Variants in PCDHGA8 observed in about 807,000 individuals in gnomAD.
The protein encoded by PCDHGA8 is protocadherin gamma subfamily A, 8.
Under a neutral mutation model 59.2 loss-of-function variants are expected in PCDHGA8, and 45 were observed. The ratio of observed to expected loss-of-function variants is 0.76; its 90% confidence interval spans 0.60 to 0.98. The LOEUF (loss-of-function observed/expected upper bound fraction) is 0.98, where lower values mean the gene tolerates loss of function less well. PCDHGA8 is among the 50% of genes least tolerant of loss of function. The probability of loss-of-function intolerance (pLI) is 0.00; values close to 1 mark genes in which losing one functional copy is unlikely to be tolerated. For missense variants in PCDHGA8, 1,257 were observed against 1,196.2 expected, an observed-to-expected ratio of 1.05 and a Z score of -0.75; for synonymous variants, 531 against 519.0, an observed-to-expected ratio of 1.02 and a Z score of -0.32.
chr5:141,402,451 G>A (rs2094267451), intron 1 of PCDHGA8, among the ~76,000 whole-genome samples: 1 of 152,016 alleles, frequency 6.6e-6, no homozygotes. Context: ...AATTATAATA[G>A]TTTACATATC....
intron 1 of PCDHGA8, chr5:141,418,639 C>T (rs2096276711): frequency 6.2e-7 from 1 of 1,614,014 alleles, no homozygotes; most frequent in Non-Finnish European, 8.5e-7. Flanking sequence ...CAGGCACCTC[C>T]ATCCTGAGAG....
At chr5:141,494,223 C>T (rs1435042163) in intron 1 of PCDHGA8, among the ~76,000 whole-genome samples, 2 of 152,192 alleles carry the variant, frequency 1.3e-5, no homozygotes, top group African/African-American at 4.8e-5. Context: ...TGGCATGACT[C>T]CTAAATTAAT....
rs960054108 is a variant in PCDHGA8, at chr5:141,394,748, C to T, written c.1935C>T (p.Ala645=). The T allele has an allele frequency of 6.2e-7, 1 of 1,613,414 alleles. No homozygotes were observed. The highest frequency in any genetic ancestry group is 8.5e-7 in the Non-Finnish European group (1 of 1,179,978). The part of the protein sequence containing the change: ...RDALKQSLVV[A]VQDHGQPPLS... ...CGCTCAAGCAGAGCCTCGTGGTGGC[C>T]GTCCAGGACCATGGCCAGCCCCCTC... The change falls in exon 1 of 4, where the codon GCC becomes GCT. Residue 645 remains alanine, a synonymous_variant. Transcript: ENST00000398604.
chr5:141,414,624 G>A (rs764233527), intron 1 of PCDHGA8: 5 of 1,613,814 alleles, frequency 3.1e-6, no homozygotes, highest in African/African-American at 2.7e-5. Flanking sequence ...CGCTGGACCC[G>A]GACAGCAAAG....
chr5:141,490,686 C>T lies in PCDHGA8; in HGVS notation c.2425-4121C>T. The T allele has an allele frequency of 3.7e-6, 6 of 1,614,196 alleles. No homozygotes were observed. The highest frequency in any genetic ancestry group is 5.1e-6 in the Non-Finnish European group (6 of 1,180,014). ...GCACTGTGGCTGCCTCAGATCCAGA[C>T]ACTGGGGATAATGCCCGCCTCACCT... On this transcript the variant is annotated intron_variant, in intron 1 of 3. Coordinates refer to ENST00000398604, the MANE Select transcript of PCDHGA8 (RefSeq NM_032088.2). This position sits in a 1 kb window ranked among gnomAD's most constrained non-coding sequence, Gnocchi z 5.4.
chr5:141,404,330 T>C, intron 1 of PCDHGA8: 1 of 1,613,934 alleles, frequency 6.2e-7, no homozygotes, highest in African/African-American at 1.3e-5. Context: ...CTACTCAGTC[T>C]ACCTCCCGGA....
At chr5:141,410,037 G>T (rs760397726) in intron 1 of PCDHGA8, 2 of 1,613,250 alleles carry the variant, frequency 1.2e-6, no homozygotes, top group South Asian at 2.2e-5. Flanking sequence ...CTGCAGGCCA[G>T]TGAGCCCGGA....
In PCDHGA8 at chr5:141,491,807, G is replaced by A; in HGVS notation, c.2425-3000G>A. On this transcript the variant is annotated intron_variant, in intron 1 of 3. Transcript: ENST00000398604. The surrounding 1 kb of genome is among the most constrained non-coding windows in gnomAD (Gnocchi z 6.9). ...CATCCACTCCTCTCCGGCCGGCTTG[G>A]TCGCTGGCTGCGCTCCACCCGATTC... is the stretch of plus-strand genomic sequence containing the variant. 1 of 1,491,112 alleles carries A rather than the reference G, an allele frequency of 6.7e-7. No homozygotes were observed. The highest frequency in any genetic ancestry group is 1.4e-5 in the South Asian group (1 of 73,752). The allele number at this position is 1,491,112 out of a possible 1,614,324, so 92.4% of individuals were successfully genotyped here. A position where few individuals can be genotyped will look rare whatever the true frequency, so the allele number is the denominator to read the frequency against.
At chr5:141,480,514 C>A (rs1015316945) in intron 1 of PCDHGA8, among the ~76,000 whole-genome samples, 2 of 127,196 alleles carry the variant, frequency 1.6e-5, no homozygotes, top group African/African-American at 7.3e-5. Flanking sequence ...TGAGAACAAC[C>A]AAAAATGACA....
chr5:141,442,675 G>A (rs1381554808), intron 1 of PCDHGA8, among the ~76,000 whole-genome samples: 1 of 152,248 alleles, frequency 6.6e-6, no homozygotes, highest in Admixed American at 6.5e-5. Context: ...GTGAGCTTGA[G>A]GGACAGTAGT....
intron 1 of PCDHGA8, chr5:141,403,903 G>T: frequency 1.2e-6 from 2 of 1,613,804 alleles, no homozygotes; most frequent in Non-Finnish European, 1.7e-6. Context: ...TTTATGAAAT[G>T]GAAATACAAG....
chr5:141,409,129 T>G (rs781711972), intron 1 of PCDHGA8: 5 of 1,613,856 alleles, frequency 3.1e-6, no homozygotes, highest in Non-Finnish European at 4.2e-6. Flanking sequence ...CATTTGATTT[T>G]GAAGATGTAG....
At chr5:141,428,020 C>A (rs1443722620) in intron 1 of PCDHGA8, 1 of 1,605,408 alleles carries the variant, frequency 6.2e-7, no homozygotes, top group Admixed American at 1.7e-5. Context: ...GTGCCACGCG[C>A]CGCAGAGTCC....
chr5:141,410,847 G>GTAT, intron 1 of PCDHGA8: 2 of 158,246 alleles, frequency 1.3e-5, no homozygotes, highest in Non-Finnish European at 1.0e-5. Context: ...TTTTGTCTTT[G>GTAT]TCTTTTTTTT....
chr5:141,435,855 G>A (rs1164301394), intron 1 of PCDHGA8, among the ~76,000 whole-genome samples: 1 of 152,006 alleles, frequency 6.6e-6, no homozygotes, highest in Non-Finnish European at 1.5e-5. Flanking sequence ...AGATACAATA[G>A]TTAAAACCCA....
In PCDHGA8 at chr5:141,431,494, C is replaced by A; in HGVS notation, c.2424+36257C>A. 6.2e-7 allele frequency: 1 copy of A among 1,613,956 alleles called. No homozygotes were observed. Among genetic ancestry groups the A allele is most frequent in the Middle Eastern group, 1.6e-4 (1 of 6,062 alleles). On this transcript the variant is annotated intron_variant, in intron 1 of 3. Coordinates refer to ENST00000398604, the MANE Select transcript of PCDHGA8 (RefSeq NM_032088.2). This position sits in a 1 kb window ranked among gnomAD's most constrained non-coding sequence, Gnocchi z 4.8. Reference sequence around the variant, plus strand: ...ACAACGCACCAGCGTTTGCTCAGCCCGAGTACCGCGCGAGCGTTCCGGAGA... The same window carrying A: ...ACAACGCACCAGCGTTTGCTCAGCCAGAGTACCGCGCGAGCGTTCCGGAGA...
At chr5:141,438,763 G>C (rs537316602) in intron 1 of PCDHGA8, among the ~76,000 whole-genome samples, 1 of 149,962 alleles carries the variant, frequency 6.7e-6, no homozygotes, top group South Asian at 2.1e-4. Context: ...CTGGGTTCAA[G>C]CGATTCTCCT....
At chr5:141,510,334 C>G (rs1463634534) in intron 3 of PCDHGA8, among the ~76,000 whole-genome samples, 1 of 151,448 alleles carries the variant, frequency 6.6e-6, no homozygotes, top group African/African-American at 2.4e-5. Context: ...TCTTCACCCC[C>G]ACCCCACACA....
chr5:141,471,717 C>T (rs1196344901), intron 1 of PCDHGA8, among the ~76,000 whole-genome samples: 1 of 152,022 alleles, frequency 6.6e-6, no homozygotes, highest in Non-Finnish European at 1.5e-5. Flanking sequence ...GTGCCACTTA[C>T]CAGGTAAGGA....
Sources: gnomAD v4.1 joint callset for allele counts (sites outside exome capture counted in the v4.1 genomes callset) on GRCh38, gnomAD v4.1.1 for gene constraint, Gnocchi (gnomAD v3.1) non-coding constraint, MANE v1.5 for transcripts, NCBI Gene and HGNC (gene_info 2026-07-23, HGNC 2026-07-21) for gene names.